Variants in LIPE observed in about 807,000 individuals in gnomAD.
The protein encoded by LIPE is hormone-sensitive lipase.
A neutral mutation model predicts 88.5 loss-of-function variants in LIPE; 66 were observed. That is an observed-to-expected ratio of 0.75 (90% CI 0.61 to 0.91). The LOEUF (loss-of-function observed/expected upper bound fraction) is 0.91, where lower values mean the gene tolerates loss of function less well. Among genes scored for constraint, LIPE ranks in the 40% least tolerant of loss-of-function variants. The pLI is 0.00. For missense variants in LIPE, 1,346 were observed against 1,434.7 expected (o/e 0.94, Z 1.00); for synonymous variants, 570 against 617.5 (o/e 0.92, Z 1.14).
intron 8 of LIPE, among the ~76,000 whole-genome samples, chr19:42,404,877 AT>A (rs1206530161): frequency 7.4e-5 from 11 of 148,608 alleles, no homozygotes; most frequent in African/African-American, 7.4e-5. Flanking sequence ...CTTTTTTTAA[AT>A]TTTTTTTTTT....
chr19:42,425,064 C>CCAGG (rs1358120562), intron 1 of LIPE: 1 of 211,748 alleles, frequency 4.7e-6, no homozygotes, highest in African/African-American at 2.3e-5. Flanking sequence ...CAAGGCCCTT[C>CCAGG]CGCCTGGCTG....
Position 42,401,906 on chromosome 19 carries a change from C to T in LIPE, c.3137G>A (p.Arg1046His). ...GGGAGGAGTGAGGACGAGGCGGATG[C>T]GCTCCACGCACAGCTCTGCGGCCTG... Reference protein sequence around the residue: ...TRQAAELCVERIRLVLTPPAG... With the variant: ...TRQAAELCVEHIRLVLTPPAG... The change falls in exon 10 of 10, where the codon CGC becomes CAC. Residue 1046 changes from arginine to histidine, a missense_variant. Arg to His is a conservative substitution (Grantham distance 29). Coordinates refer to ENST00000244289, the MANE Select transcript of LIPE (RefSeq NM_005357.4). 1 of 1,547,524 alleles carries T rather than the reference C, an allele frequency of 6.5e-7. No homozygotes were observed. Among genetic ancestry groups the T allele is most frequent in the East Asian group, 2.4e-5 (1 of 41,296 alleles).
intron 7 of LIPE, 57 bp from the exon 8 acceptor site, chr19:42,405,618 C>T (rs988609829): frequency 7.0e-5 from 106 of 1,522,026 alleles, no homozygotes; most frequent in South Asian, 1.7e-4. Flanking sequence ...CCAGTTTTAA[C>T]GCCCAGAACT....
chr19:42,410,675 C>T lies in LIPE; in HGVS notation c.1051G>A (p.Ala351Thr), dbSNP rs574913478. The change falls in exon 2 of 10, where the codon GCC (alanine) becomes ACC (threonine). Residue 351 changes from alanine to threonine, a missense_variant. Physicochemically the swap from Ala to Thr is moderately conservative, Grantham distance 58 (BLOSUM62 0). Coordinates refer to ENST00000244289, the MANE Select transcript of LIPE (RefSeq NM_005357.4). The surrounding 1 kb of genome is among the most constrained non-coding windows in gnomAD (Gnocchi z 6.1). The stretch of plus-strand genomic sequence containing the variant: ...GCCACACCCAGCAGGCGGCCCAGGG[C>T]CGGCTCCAGCCCCAGCGCCTGCTCC... ...VREQALGLEP[A>T]LGRLLGVAHL... is the part of the protein sequence containing the mutation. 4.3e-6 allele frequency: 7 copies of T among 1,612,058 alleles called. No homozygotes were observed. In the African/African-American group the frequency reaches 8.0e-5, roughly 18 times the overall value.
chr19:42,422,495 A>G (rs2040617693), intron 1 of LIPE, among the ~76,000 whole-genome samples: 1 of 152,092 alleles, frequency 6.6e-6, no homozygotes, highest in Non-Finnish European at 1.5e-5. Flanking sequence ...CGTGTGTCTG[A>G]AGCCAACTCC....
chr19:42,403,245 G>A (rs1366481529), intron 8 of LIPE, among the ~76,000 whole-genome samples: 1 of 79,072 alleles, frequency 1.3e-5, no homozygotes, highest in East Asian at 3.0e-4. Context: ...TGAAGGATGT[G>A]TGTGTGTGTG....
intron 1 of LIPE, among the ~76,000 whole-genome samples, chr19:42,412,100 C>T (rs879290603): frequency 1.3e-5 from 2 of 152,214 alleles, no homozygotes; most frequent in East Asian, 1.9e-4. Context: ...CCCTGGACTA[C>T]GTCTGATCTC....
At position 42,426,753 on chromosome 19, in the gene LIPE, G is replaced by T; in HGVS notation, c.397C>A (p.Gln133Lys). 1 of 1,614,176 alleles carries T rather than the reference G, an allele frequency of 6.2e-7. No homozygotes were observed. Among genetic ancestry groups the T allele is most frequent in the Non-Finnish European group, 8.5e-7 (1 of 1,180,034 alleles). ...SITQQEPALR[Q>K]RHVAQPGPGP... is the part of the protein sequence containing the mutation. ...GGCCCTGGCTGGGCTACATGTCTTT[G>T]TCTCAATGCTGGCTCCTGTTGAGTT... is the stretch of plus-strand genomic sequence containing the variant. The change falls in exon 1 of 10, where the codon CAA (glutamine) becomes AAA (lysine). Residue 133 changes from glutamine to lysine, a missense_variant. Gln to Lys is a moderately conservative substitution (Grantham distance 53). Coordinates refer to ENST00000244289, the MANE Select transcript of LIPE (RefSeq NM_005357.4).
intron 8 of LIPE, among the ~76,000 whole-genome samples, chr19:42,404,295 G>C (rs2040098531): frequency 6.6e-6 from 1 of 150,888 alleles, no homozygotes; most frequent in Admixed American, 6.6e-5. Flanking sequence ...GCAGTGGCGT[G>C]ATCTCGGCTC....
At chr19:42,411,795 C>A (rs1374483999) in intron 1 of LIPE, among the ~76,000 whole-genome samples, 3 of 152,212 alleles carry the variant, frequency 2.0e-5, no homozygotes, top group Non-Finnish European at 4.4e-5. Context: ...AACAGCGATA[C>A]TCATCACTGG....
intron 1 of LIPE, among the ~76,000 whole-genome samples, chr19:42,425,885 C>T (rs914865438): frequency 6.6e-6 from 1 of 152,110 alleles, no homozygotes; most frequent in African/African-American, 2.4e-5. Flanking sequence ...TCATTGCAAC[C>T]TTTGCCTCCC....
In LIPE at chr19:42,401,951, G is replaced by C. The variant is rs1175419833; in HGVS notation, c.3092C>G (p.Ala1031Gly). The C allele has an allele frequency of 2.6e-6, 4 of 1,556,736 alleles. No homozygotes were observed. In the Middle Eastern group the frequency reaches 5.9e-4, roughly 228 times the overall value. Residue 1031 changes from alanine (A) to glycine (G), a missense_variant, in exon 10 of 10, where the codon GCG (alanine) becomes GGG (glycine). Physicochemically the swap from Ala to Gly is moderately conservative, Grantham distance 60 (BLOSUM62 0). Coordinates refer to ENST00000244289, the MANE Select transcript of LIPE (RefSeq NM_005357.4). ...GGCCTGGCGCGTCTCGCGGCACAGCGCCGCTAGGGTCAGGAAGCCGTGCGG... is the reference window on the plus strand; with the variant it reads ...GGCCTGGCGCGTCTCGCGGCACAGCCCCGCTAGGGTCAGGAAGCCGTGCGG... ...DLPHGFLTLAALCRETRQAAE... is the reference protein window; with the variant it reads ...DLPHGFLTLAGLCRETRQAAE...
intron 1 of LIPE, chr19:42,422,997 A>G (rs1306259313): frequency 5.3e-6 from 1 of 188,376 alleles, no homozygotes; most frequent in Non-Finnish European, 1.1e-5. Flanking sequence ...ACTCACCGCT[A>G]GACTTCCTCT....
At chr19:42,405,312 TG>T in intron 8 of LIPE, 72 bp downstream of exon 8, 1 of 1,487,786 alleles carries the variant, frequency 6.7e-7, no homozygotes. Flanking sequence ...GCATCTTCCC[TG>T]GGACTTTTGC....
intron 1 of LIPE, among the ~76,000 whole-genome samples, chr19:42,422,377 C>T (rs576728733): frequency 1.3e-5 from 2 of 152,366 alleles, no homozygotes; most frequent in African/African-American, 4.8e-5. Flanking sequence ...TAACTACAGT[C>T]TGTACTGCCT....
chr19:42,402,678 T>G lies in LIPE; in HGVS notation c.2896A>C (p.Lys966Gln). 6.6e-7 allele frequency: 1 copy of G among 1,508,522 alleles called. No homozygotes were observed. The highest frequency in any genetic ancestry group is 8.9e-7 in the Non-Finnish European group (1 of 1,126,492). The allele number at this position is 1,508,522 out of a possible 1,614,324, so 93.4% of individuals were successfully genotyped here. A position where few individuals can be genotyped will look rare whatever the true frequency, so the allele number is the denominator to read the frequency against. ...QMPLYSSPIV[K>Q]NPFMSPLLAP... The stretch of plus-strand genomic sequence containing the variant: ...AGCAGCGGCGACATGAAGGGGTTCT[T>G]GACTATGGGTGAGGAGTAGAGGGGC... The change falls in exon 9 of 10, where the codon AAG becomes CAG. Residue 966 changes from lysine to glutamine, a missense_variant. Coordinates refer to ENST00000244289, the MANE Select transcript of LIPE (RefSeq NM_005357.4).
At chr19:42,423,090 C>G (rs2040631434) in intron 1 of LIPE, 1 of 271,358 alleles carries the variant, frequency 3.7e-6, no homozygotes, top group East Asian at 1.5e-4. Flanking sequence ...AAGCATTCCC[C>G]AGGTGGGAAA....
chr19:42,424,941 T>C (rs2040681035), intron 1 of LIPE: 2 of 307,584 alleles, frequency 6.5e-6, no homozygotes, highest in Non-Finnish European at 6.3e-6. Flanking sequence ...TTGGGCCCGT[T>C]ATCCTCTGAT....
rs2040265549 is a variant in LIPE, at chr19:42,408,504, A to T, written c.1420-182T>A. ...ACCTGATGTTCTCAAAGGGAAAACAAATGATCAGCAGATAAGCAAAGCCAC... is the reference window on the plus strand; with the variant it reads ...ACCTGATGTTCTCAAAGGGAAAACATATGATCAGCAGATAAGCAAAGCCAC... On this transcript the variant is annotated intron_variant, in intron 2 of 9. Coordinates refer to ENST00000244289, the MANE Select transcript of LIPE (RefSeq NM_005357.4). This position sits in a 1 kb window ranked among gnomAD's most constrained non-coding sequence, Gnocchi z 4.3. 1 of 606,812 alleles carries T rather than the reference A, an allele frequency of 1.6e-6. No individual in the cohort carries two copies. The highest frequency in any genetic ancestry group is 3.0e-6 in the Non-Finnish European group (1 of 338,474). 37.6% of individuals were successfully genotyped at this position (606,812 alleles called of 1,614,324 possible).
Sources: gnomAD v4.1 joint callset for allele counts (sites outside exome capture counted in the v4.1 genomes callset) on GRCh38, gnomAD v4.1.1 for gene constraint, Gnocchi (gnomAD v3.1) non-coding constraint, MANE v1.5 for transcripts, NCBI Gene and HGNC (gene_info 2026-07-23, HGNC 2026-07-21) for gene names.